SPX: variants seen among roughly 807,000 people sequenced by gnomAD.
SPX encodes spexin hormone.
In SPX, 22 loss-of-function variants were observed where a neutral mutation model predicts 19.2. The observed-to-expected ratio is 1.15, with a 90% CI of 0.82 to 1.64. The LOEUF (loss-of-function observed/expected upper bound fraction) is 1.64, where lower values mean the gene tolerates loss of function less well. Ranked by LOEUF, SPX falls within the 40% of genes most tolerant of loss-of-function variation. The pLI is 0.00. For synonymous variants in SPX, 50 were observed against 53.3 expected, an observed-to-expected ratio of 0.94 and a Z score of 0.27; for missense variants, 143 against 137.7, an observed-to-expected ratio of 1.04 and a Z score of -0.19.
intron 4 of SPX, chr12:21,528,118 C>T: frequency 3.3e-6 from 1 of 304,576 alleles, no homozygotes; most frequent in Non-Finnish European, 6.2e-6. Flanking sequence ...CAGAGGTCCC[C>T]AGGGAGTTAG....
chr12:21,526,994 A>T (rs1333221151), intron 2 of SPX, 28 bp downstream of exon 2: 10 of 1,605,074 alleles, frequency 6.2e-6, no homozygotes, highest in African/African-American at 1.3e-5. Context: ...AAAAAATTTT[A>T]AAACAATGCG....
At chr12:21,529,156 T>A in intron 5 of SPX, 72 bp downstream of exon 5, 1 of 1,384,156 alleles carries the variant, frequency 7.2e-7, no homozygotes, top group Non-Finnish European at 1.0e-6. Flanking sequence ...CTGTGTTGAG[T>A]GCAACACCCC....
In SPX at chr12:21,527,155, C is replaced by T. The variant is rs747556255; in HGVS notation, c.108C>T (p.Asn36=). The T allele has an allele frequency of 6.2e-7, 1 of 1,614,042 alleles. No individual in the cohort carries two copies. The change falls in exon 3 of 6, where the codon AAC becomes AAT. Residue 36 remains asparagine (N), a synonymous_variant. Transcript: ENST00000256969. ...TATAGAGACTGTTGGAGAGAAGGAA[C>T]TGGACTCCTCAAGCTATGCTCTACC... ...CAPQRLLERR[N]WTPQAMLYLK... is the part of the protein sequence containing the mutation.
At position 21,527,206 on chromosome 12, in the gene SPX, AT is replaced by A; in HGVS notation, c.145+17del. Reference sequence around the variant, plus strand: ...TGAAAGGGGCACGTAAGTTCCAAATATTTCGCTCTTCCTACAATAATGGAAG... The same window carrying A: ...TGAAAGGGGCACGTAAGTTCCAAATATTCGCTCTTCCTACAATAATGGAAG... On this transcript the variant is annotated intron_variant, in intron 3 of 5. Transcript: ENST00000256969. 1 of 1,610,812 alleles carries A rather than the reference AT, an allele frequency of 6.2e-7. No individual in the cohort carries two copies. The highest frequency in any genetic ancestry group is 8.5e-7 in the Non-Finnish European group (1 of 1,177,110).
intron 5 of SPX, among the ~76,000 whole-genome samples, chr12:21,530,202 A>G (rs1036247389): frequency 1.3e-5 from 2 of 152,200 alleles, no homozygotes; most frequent in African/African-American, 2.4e-5. Context: ...TAAATTAATC[A>G]CTAGTCTTCT....
intron 4 of SPX, 68 bp downstream of exon 4, chr12:21,527,857 G>A: frequency 6.7e-7 from 1 of 1,492,982 alleles, no homozygotes; most frequent in South Asian, 1.2e-5. Context: ...GGCAGGGCTT[G>A]CTCCGCGCTG....
chr12:21,526,810 G>C, intron 1 of SPX, 76 bp from the exon 2 acceptor site: 1 of 1,366,232 alleles, frequency 7.3e-7, no homozygotes, highest in Non-Finnish European at 1.0e-6. Context: ...GTTTATAATT[G>C]TCCAGGCGTC....
At chr12:21,527,855 T>A in intron 4 of SPX, 66 bp downstream of exon 4, 1 of 1,499,440 alleles carries the variant, frequency 6.7e-7, no homozygotes, top group Non-Finnish European at 9.1e-7. Context: ...CGGGCAGGGC[T>A]TGCTCCGCGC....
intron 1 of SPX, 46 bp from the exon 2 acceptor site, chr12:21,526,840 C>T: frequency 6.5e-7 from 1 of 1,544,686 alleles, no homozygotes; most frequent in South Asian, 1.1e-5. Flanking sequence ...AGCAGAAGAT[C>T]CTATTGGCAC....
In SPX at chr12:21,526,977, G is replaced by A. The variant is rs117584874; in HGVS notation, c.87+11G>A. ...AGCTGCGCTCCGCAGGTAATCAAAT[G>A]CAAAATAAAAAATTTTAAAACAATG... is the stretch of plus-strand genomic sequence containing the variant. On this transcript the variant is annotated intron_variant, in intron 2 of 5. Coordinates refer to ENST00000256969, the MANE Select transcript of SPX (RefSeq NM_030572.4). 0.017 allele frequency: 27,559 copies of A among 1,613,352 alleles called. 287 individuals are homozygous for A. Among genetic ancestry groups the A allele is most frequent in the Non-Finnish European group, 0.02 (23,595 of 1,179,336 alleles).
intron 3 of SPX, chr12:21,527,518 G>C: frequency 1.6e-6 from 1 of 622,790 alleles, no homozygotes; most frequent in Non-Finnish European, 2.8e-6. Flanking sequence ...GGTCAGGCGC[G>C]GGGCTTTCCT....
intron 4 of SPX, 116 bp from the exon 5 acceptor site, chr12:21,528,884 GA>G: frequency 2.3e-6 from 2 of 878,566 alleles, no homozygotes; most frequent in Non-Finnish European, 3.7e-6. Context: ...GTCCTTTGTT[GA>G]GGGGTCAAAA....
chr12:21,526,938 T>C lies in SPX; in HGVS notation c.59T>C (p.Phe20Ser), dbSNP rs1943819578. Residue 20 changes from phenylalanine to serine, a missense_variant, in exon 2 of 6, where the codon TTC (phenylalanine) becomes TCC (serine). Transcript: ENST00000256969. Reference sequence around the variant, plus strand: ...TTGGCTCTTTTCCTGGTGTTTGTTTTCCTGGGAAACTCCAGCTGCGCTCCG... The same window carrying C: ...TTGGCTCTTTTCCTGGTGTTTGTTTCCCTGGGAAACTCCAGCTGCGCTCCG... The part of the protein sequence containing the change: ...TTLALFLVFV[F>S]LGNSSCAPQR... 3 of 1,614,248 alleles carry C rather than the reference T, an allele frequency of 1.9e-6. No homozygotes were observed. The highest frequency in any genetic ancestry group is 2.5e-6 in the Non-Finnish European group (3 of 1,180,048).
intron 4 of SPX, among the ~76,000 whole-genome samples, chr12:21,528,571 G>A (rs1943836523): frequency 6.6e-6 from 1 of 152,156 alleles, no homozygotes; most frequent in African/African-American, 2.4e-5. Flanking sequence ...TTTATTTTAT[G>A]AGGTTAAGAT....
At chr12:21,529,577 T>C (rs1053966943) in intron 5 of SPX, among the ~76,000 whole-genome samples, 1 of 152,172 alleles carries the variant, frequency 6.6e-6, no homozygotes, top group African/African-American at 2.4e-5. Flanking sequence ...TATAGCAGAA[T>C]GGTTAGTAAG....
rs776720037 is a variant in SPX at position 21,531,166 on chromosome 12, T to G, written c.322T>G (p.Phe108Val). Residue 108 changes from phenylalanine (F) to valine (V), a missense_variant, in exon 6 of 6, where the codon TTC (phenylalanine) becomes GTC (valine). By Grantham distance (50) the Phe-to-Val change is conservative. Transcript: ENST00000256969. ...AGAAAAAAACTTTGATCAAACCAGA[T>G]TCCTGGAAGACAGTCTGCTTAACTG... ...DEEKNFDQTR[F>V]LEDSLLNW 1.3e-6 allele frequency: 2 copies of G among 1,595,404 alleles called. No individual in the cohort carries two copies. Among genetic ancestry groups the G allele is most frequent in the Non-Finnish European group, 1.7e-6 (2 of 1,169,226 alleles).
Position 21,527,026 on chromosome 12 carries a change from T to G in SPX, c.87+60T>G, listed in dbSNP as rs1415957817. The G allele has an allele frequency of 1.9e-6, 3 of 1,586,860 alleles. No homozygotes were observed. The Admixed American group carries it at 5.0e-5, about 27-fold the overall frequency. On this transcript the variant is annotated intron_variant, in intron 2 of 5. Coordinates refer to ENST00000256969, the MANE Select transcript of SPX (RefSeq NM_030572.4). ...TGCGCACTGTGTGTCCACTCTGCTCTTTCTTTCTTCCTTCTTGTTTTATTC... is the reference window on the plus strand; with the variant it reads ...TGCGCACTGTGTGTCCACTCTGCTCGTTCTTTCTTCCTTCTTGTTTTATTC...
In SPX at chr12:21,531,445, G is replaced by T; in HGVS notation, c.*250G>T. On this transcript the variant is annotated 3_prime_UTR_variant, in exon 6 of 6. Transcript: ENST00000256969. ...TTGTGTCTTACTCTTGAGTTTCTTA[G>T]AATATTTATAATTATAAGGCTGAAG... The T allele has an allele frequency of 3.3e-6, 1 of 299,428 alleles. No homozygotes were observed. The highest frequency in any genetic ancestry group is 5.7e-5 in the East Asian group (1 of 17,508). The allele number at this position is 299,428 out of a possible 1,614,324, so 18.5% of individuals were successfully genotyped here.
rs539005999 is a variant in SPX, at chr12:21,526,646, T to G, written c.6+168T>G. ...GATTTTACTAAGAAAAAAATTCACG[T>G]ATTTACTTATTCTTCATTTGGGTGA... On this transcript the variant is annotated intron_variant, in intron 1 of 5. Transcript: ENST00000256969. 3.0e-4 allele frequency among the ~76,000 whole-genome samples: 46 copies of G among 152,360 alleles called. 1 individual carries two copies. Among genetic ancestry groups the G allele is most frequent in the African/African-American group, 1.0e-3 (43 of 41,596 alleles).
Sources: allele counts gnomAD v4.1 joint callset (sites outside exome capture counted in the v4.1 genomes callset), GRCh38; gene constraint gnomAD v4.1.1; transcripts MANE v1.5; gene names NCBI Gene and HGNC (gene_info 2026-07-23, HGNC 2026-07-21).